PLA2G4E: variants seen among roughly 807,000 people sequenced by gnomAD.
PLA2G4E encodes cytosolic phospholipase A2 epsilon.
In PLA2G4E, 84 loss-of-function variants were observed where a neutral mutation model predicts 109.1. The ratio of observed to expected loss-of-function variants is 0.77; its 90% CI spans 0.65 to 0.92. The LOEUF is 0.92. Among genes scored for constraint, PLA2G4E ranks in the 40% least tolerant of loss-of-function variants. PLA2G4E has a pLI of 0.00. For missense variants in PLA2G4E, 1,057 were observed against 1,076.6 expected (o/e 0.98, Z 0.25); for synonymous variants, 469 against 436.1 (o/e 1.08, Z -0.94).
intron 1 of PLA2G4E, among the ~76,000 whole-genome samples, chr15:42,038,130 A>C (rs368199121): frequency 6.6e-6 from 1 of 152,286 alleles, no homozygotes; most frequent in East Asian, 1.9e-4. Context: ...TCCCATTTTA[A>C]AATCTGTGAA....
chr15:42,030,558 GA>G (rs1354392783), intron 1 of PLA2G4E, among the ~76,000 whole-genome samples: 1 of 152,238 alleles, frequency 6.6e-6, no homozygotes, highest in Non-Finnish European at 1.5e-5. Context: ...AGGAGGAGGA[GA>G]AATTTGGAGC....
chr15:42,000,298 AGAGGGT>A lies in PLA2G4E; in HGVS notation c.674-22_674-17del. 6.4e-7 allele frequency: 1 copy of A among 1,553,700 alleles called. No individual in the cohort carries two copies. The highest frequency in any genetic ancestry group is 8.7e-7 in the Non-Finnish European group (1 of 1,148,472). ...AGGTCCTTCACTGGGAGAGAGGACAAGAGGGTGAGACCCTGGGAGCCTCTCACTACC... is the reference window on the plus strand; with the variant it reads ...AGGTCCTTCACTGGGAGAGAGGACAAGAGACCCTGGGAGCCTCTCACTACC... On this transcript the variant is annotated splice_polypyrimidine_tract_variant and intron_variant, in intron 7 of 19. Coordinates refer to ENST00000399518, the Ensembl canonical transcript of PLA2G4E.
At chr15:41,989,280 C>T in intron 15 of PLA2G4E, 135 bp downstream of exon 15, 1 of 1,243,328 alleles carries the variant, frequency 8.0e-7, no homozygotes, top group Non-Finnish European at 1.1e-6. Context: ...CTCTGGTCCC[C>T]AGTGACTTGG....
At chr15:42,032,737 G>A (rs1351221183) in intron 1 of PLA2G4E, among the ~76,000 whole-genome samples, 1 of 152,244 alleles carries the variant, frequency 6.6e-6, no homozygotes, top group Admixed American at 6.5e-5. Flanking sequence ...CTTGGGCACA[G>A]AGAAGAGAAT....
At chr15:42,001,355 ATG>A in intron 6 of PLA2G4E, 135 bp from the exon 7 acceptor site, 2 of 802,196 alleles carry the variant, frequency 2.5e-6, no homozygotes, top group South Asian at 3.2e-5. Context: ...GGAATGCAGA[ATG>A]TGTTGACCAC....
chr15:42,020,753 C>A (rs182762956), intron 1 of PLA2G4E, among the ~76,000 whole-genome samples, 182 bp downstream of exon 1: 3 of 152,280 alleles, frequency 2.0e-5, no homozygotes, highest in African/African-American at 7.2e-5. Flanking sequence ...CTGGGATAAA[C>A]CACCTCCCCC....
At chr15:42,013,827 T>C in intron 1 of PLA2G4E, 70 bp from the exon 2 acceptor site, 1 of 1,304,062 alleles carries the variant, frequency 7.7e-7, no homozygotes. Flanking sequence ...GGGGGAGACT[T>C]TCCCGCTATG....
intron 17 of PLA2G4E, chr15:41,986,925 A>G: frequency 1.8e-6 from 1 of 547,624 alleles, no homozygotes; most frequent in South Asian, 2.1e-5. Context: ...GGACTGTTGT[A>G]CAGATTCTGT....
chr15:41,981,949 C>T (rs550213508), exon 20 of PLA2G4E: 46 of 152,236 alleles, frequency 3.0e-4, no homozygotes, highest in African/African-American at 1.1e-3. Context: ...TCTCAAACTT[C>T]AATATGCACA....
At chr15:42,000,649 C>G (rs1668087193) in intron 7 of PLA2G4E, among the ~76,000 whole-genome samples, 1 of 152,192 alleles carries the variant, frequency 6.6e-6, no homozygotes, top group Admixed American at 6.5e-5. Context: ...CTTCTGTCCT[C>G]CCTCCCTCCC....
At chr15:41,985,993 T>C in exon 18 of PLA2G4E, 1 of 1,594,496 alleles carries the variant, frequency 6.3e-7, no homozygotes, top group Non-Finnish European at 8.5e-7. Flanking sequence ...TGGGAAACCA[T>C]CTAGCACTGT....
intron 1 of PLA2G4E, among the ~76,000 whole-genome samples, chr15:42,043,466 A>G (rs1416676731): frequency 2.0e-5 from 3 of 149,084 alleles, no homozygotes; most frequent in African/African-American, 7.4e-5. Context: ...GGCAAGTCTG[A>G]TGCGAACATG....
exon 8 of PLA2G4E, chr15:42,000,209 G>A: frequency 6.3e-7 from 1 of 1,590,942 alleles, no homozygotes; most frequent in Admixed American, 1.8e-5. Flanking sequence ...AGGTTGGGCA[G>A]CAGGGTTCCA....
chr15:42,012,435 C>G (rs1197119781), intron 2 of PLA2G4E, among the ~76,000 whole-genome samples: 1 of 152,208 alleles, frequency 6.6e-6, no homozygotes, highest in East Asian at 1.9e-4. Flanking sequence ...CCTCTTGTTG[C>G]AAAATGGGCC....
intron 1 of PLA2G4E, among the ~76,000 whole-genome samples, chr15:42,035,727 C>A (rs552163584): frequency 1.3e-5 from 2 of 152,152 alleles, no homozygotes; most frequent in Non-Finnish European, 1.5e-5. Flanking sequence ...CACCCTGGGG[C>A]CTTTGACTCT....
chr15:41,983,797 G>A (rs1020451485), exon 20 of PLA2G4E: 2 of 1,606,860 alleles, frequency 1.2e-6, no homozygotes, highest in African/African-American at 2.7e-5. Context: ...CTTCTCCACT[G>A]CGAGCCGCAG....
In PLA2G4E at chr15:41,989,400, T is replaced by G; in HGVS notation, c.1723+15A>C. 6.2e-7 allele frequency: 1 copy of G among 1,613,776 alleles called. No individual in the cohort carries two copies. Among genetic ancestry groups the G allele is most frequent in the South Asian group, 1.1e-5 (1 of 91,064 alleles). On this transcript the variant is annotated intron_variant, in intron 15 of 19. Coordinates refer to ENST00000399518, the Ensembl canonical transcript of PLA2G4E. ...CAGCAGCCCCCTGTCATTCCGCCAGTTGCAAGGCAGTCACCTAGCATGTAG... is the reference window on the plus strand; with the variant it reads ...CAGCAGCCCCCTGTCATTCCGCCAGGTGCAAGGCAGTCACCTAGCATGTAG...
intron 1 of PLA2G4E, among the ~76,000 whole-genome samples, chr15:42,048,947 A>G (rs1889462907): frequency 6.6e-6 from 1 of 152,228 alleles, no homozygotes; most frequent in African/African-American, 2.4e-5. Flanking sequence ...GAGGCTGAAG[A>G]TGCCAGGGCA....
intron 1 of PLA2G4E, among the ~76,000 whole-genome samples, chr15:42,027,168 C>A (rs1421741762): frequency 6.6e-6 from 1 of 152,066 alleles, no homozygotes; most frequent in African/African-American, 2.4e-5. Context: ...GGGTCTGGGA[C>A]AATCAGTGTT....
Sources: allele counts gnomAD v4.1 joint callset (sites outside exome capture counted in the v4.1 genomes callset), GRCh38; gene constraint gnomAD v4.1.1; transcripts MANE v1.5; gene names NCBI Gene and HGNC (gene_info 2026-07-23, HGNC 2026-07-21).